Variants in SYNE1 observed in about 807,000 individuals in gnomAD.
The protein encoded by SYNE1 is spectrin repeat containing nuclear envelope protein 1.
In SYNE1, 616 loss-of-function variants were observed where a neutral mutation model predicts 1,111.0. That is an observed-to-expected ratio of 0.55 (90% CI 0.52 to 0.59). SYNE1 has a LOEUF of 0.59. Among genes scored for constraint, SYNE1 ranks in the 20% least tolerant of loss-of-function variants. The pLI is 0.00. For synonymous variants in SYNE1, 3,855 were observed against 3,825.8 expected, an observed-to-expected ratio of 1.01 and a Z score of -0.28; for missense variants, 10,006 against 10,417.0, an observed-to-expected ratio of 0.96 and a Z score of 1.72.
chr6:152,582,745 C>CT (rs887766489), intron 3 of SYNE1, among the ~76,000 whole-genome samples: 1 of 151,972 alleles, frequency 6.6e-6, no homozygotes, highest in African/African-American at 2.4e-5. Flanking sequence ...CCATCCTTCC[C>CT]TTTTTTGGAG....
Position 152,630,613 on chromosome 6 carries a change from C to G in SYNE1, c.-223-2059G>C, listed in dbSNP as rs184869608. 7.2e-5 allele frequency among the ~76,000 whole-genome samples: 11 copies of G among 152,210 alleles called. No homozygotes were observed. The East Asian group carries it at 2.1e-3, about 29-fold the overall frequency. On this transcript the variant is annotated intron_variant, in intron 2 of 145. Coordinates refer to ENST00000367255, the MANE Select transcript of SYNE1 (RefSeq NM_182961.4). ...TATTAGGAAGTTAGGTTTTCAAATGCAAAAATATAACTTTCTGAAATCAAT... is the reference window on the plus strand; with the variant it reads ...TATTAGGAAGTTAGGTTTTCAAATGGAAAAATATAACTTTCTGAAATCAAT...
chr6:152,308,666 GT>G (rs770706849), intron 90 of SYNE1, 34 bp from the exon 91 acceptor site: 19 of 1,583,810 alleles, frequency 1.2e-5, no homozygotes, highest in African/African-American at 8.2e-5. Context: ...AAGATAGACA[GT>G]TTTTTTTCTC....
intron 5 of SYNE1, among the ~76,000 whole-genome samples, chr6:152,522,505 G>T (rs755579094): frequency 2.0e-5 from 3 of 152,090 alleles, no homozygotes; most frequent in Non-Finnish European, 4.4e-5. Context: ...ATTGTGAATT[G>T]TGCTGCTATA....
At position 152,243,943 on chromosome 6, in the gene SYNE1, AG is replaced by A. The variant is rs2086424931; in HGVS notation, c.19692+593del. On this transcript the variant is annotated intron_variant, in intron 106 of 145. Transcript: ENST00000367255. ...CTTGCCTAAATGTCAGATCTAGCAA[AG>A]GAAATTAACCCAAAGCATTATTCTC... 2.0e-5 allele frequency among the ~76,000 whole-genome samples: 3 copies of A among 152,316 alleles called. No homozygotes were observed. The South Asian group carries it at 6.2e-4, about 32-fold the overall frequency.
Position 152,231,687 on chromosome 6 carries a change from G to A in SYNE1, c.20863-120C>T, listed in dbSNP as rs566763013. ...ATCACTTCCATAACTCAGCTGAAATGGCACAATTTGTCTGTGTTCACACAA... is the reference window on the plus strand; with the variant it reads ...ATCACTTCCATAACTCAGCTGAAATAGCACAATTTGTCTGTGTTCACACAA... On this transcript the variant is annotated intron_variant, in intron 113 of 145. Coordinates refer to ENST00000367255, the MANE Select transcript of SYNE1 (RefSeq NM_182961.4). The A allele has an allele frequency of 2.6e-5, 27 of 1,055,244 alleles. No individual in the cohort carries two copies. In the East Asian group the frequency reaches 7.0e-4, roughly 27 times the overall value. The allele number at this position is 1,055,244 out of a possible 1,614,324, so 65.4% of individuals were successfully genotyped here.
chr6:152,601,524 A>G (rs1446547115), intron 3 of SYNE1, among the ~76,000 whole-genome samples: 1 of 152,186 alleles, frequency 6.6e-6, no homozygotes, highest in African/African-American at 2.4e-5. Flanking sequence ...TCGCAGCAGG[A>G]TTAGAATGTG....
chr6:152,123,389 C>CCATTTTCTG (rs903069754), intron 145 of SYNE1, among the ~76,000 whole-genome samples: 2 of 152,150 alleles, frequency 1.3e-5, no homozygotes, highest in Non-Finnish European at 2.9e-5. Context: ...AAAATGGACA[C>CCATTTTCTG]CATTTTCTGA....
chr6:152,224,398 A>C, intron 117 of SYNE1, 96 bp downstream of exon 117: 1 of 1,074,466 alleles, frequency 9.3e-7, no homozygotes, highest in Non-Finnish European at 1.4e-6. Flanking sequence ...CGTAAACAAC[A>C]TATGGCAATA....
rs1356217975 is a variant in SYNE1 at position 152,353,435 on chromosome 6, T to C, written c.11083-2A>G. 2 of 1,614,184 alleles carry C rather than the reference T, an allele frequency of 1.2e-6. No individual in the cohort carries two copies. Among genetic ancestry groups the C allele is most frequent in the East Asian group, 4.5e-5 (2 of 44,886 alleles). ...CTCCTCCAGGAATTTTATTTGTTCC[T>C]ATGAAAGAAAAGAGAAAATTGAATG... is the stretch of plus-strand genomic sequence containing the variant. On this transcript the variant is annotated splice_acceptor_variant, in intron 68 of 145. Coordinates refer to ENST00000367255, the MANE Select transcript of SYNE1 (RefSeq NM_182961.4). LOFTEE classifies it high-confidence loss of function.
At chr6:152,352,700 G>A (rs2096763752) in intron 69 of SYNE1, among the ~76,000 whole-genome samples, 1 of 152,102 alleles carries the variant, frequency 6.6e-6, no homozygotes, top group Admixed American at 6.5e-5. Flanking sequence ...CACTGTGCCT[G>A]GCCATTTCTT....
At chr6:152,452,315 G>T (rs912950984) in intron 25 of SYNE1, among the ~76,000 whole-genome samples, 1 of 152,030 alleles carries the variant, frequency 6.6e-6, no homozygotes, top group African/African-American at 2.4e-5. Context: ...GTGTGTGTGT[G>T]TGTGTAATAA....
intron 3 of SYNE1, among the ~76,000 whole-genome samples, chr6:152,543,382 GTTTAA>G (rs748129413): frequency 3.0e-4 from 45 of 152,030 alleles, no homozygotes; most frequent in Non-Finnish European, 5.6e-4. Context: ...GAAAAAAATT[GTTTAA>G]TTTAATTATT....
Position 152,300,769 on chromosome 6 carries a change from G to A in SYNE1, c.17554C>T (p.Arg5852Cys), listed in dbSNP as rs760719818. Reference protein sequence around the residue: ...HPSVVMMTAGRCHTLLSPVTE... With the variant: ...HPSVVMMTAGCCHTLLSPVTE... ...ACCGGTGACAGCAAAGTGTGACAGC[G>A]ACCTGCAGTCATCTGCCACGTAAAA... Residue 5852 changes from arginine to cysteine, a missense_variant, in exon 93 of 146, where the codon CGC becomes TGC. Arg to Cys is a radical substitution (Grantham distance 180). Transcript: ENST00000367255. The A allele has an allele frequency of 2.5e-5, 41 of 1,614,054 alleles. No homozygotes were observed. In the East Asian group the frequency reaches 6.0e-4, roughly 24 times the overall value.
At position 152,409,688 on chromosome 6, in the gene SYNE1, A is replaced by C; in HGVS notation, c.6252T>G (p.Leu2084=). 6.2e-7 allele frequency: 1 copy of C among 1,613,770 alleles called. No homozygotes were observed. The highest frequency in any genetic ancestry group is 1.7e-5 in the Admixed American group (1 of 60,032). ...IHENQGQCCG[L]IDLMREYQNL... ...TCTGATATTCTCTCATTAAGTCAATAAGTCCACAGCACTGACCCTGACTGT... is the reference window on the plus strand; with the variant it reads ...TCTGATATTCTCTCATTAAGTCAATCAGTCCACAGCACTGACCCTGACTGT... Residue 2084 remains leucine, a synonymous_variant, in exon 43 of 146, where the codon CTT becomes CTG. Coordinates refer to ENST00000367255, the MANE Select transcript of SYNE1 (RefSeq NM_182961.4).
intron 74 of SYNE1, among the ~76,000 whole-genome samples, chr6:152,341,525 C>T (rs1590550164): frequency 6.6e-6 from 1 of 152,158 alleles, no homozygotes; most frequent in Non-Finnish European, 1.5e-5. Context: ...TGAACGGAAT[C>T]GAATCCATGT....
chr6:152,449,778 T>C, intron 27 of SYNE1, 137 bp from the exon 28 acceptor site: 1 of 751,902 alleles, frequency 1.3e-6, no homozygotes, highest in Non-Finnish European at 2.2e-6. Context: ...TTCTGGAAAC[T>C]ATTCTTTTAA....
chr6:152,257,104 T>C (rs867128760), intron 101 of SYNE1, among the ~76,000 whole-genome samples: 32 of 152,176 alleles, frequency 2.1e-4, no homozygotes, highest in Admixed American at 3.3e-4. Flanking sequence ...ATTCTGAATG[T>C]CTCTACCGCA....
chr6:152,347,133 G>C lies in SYNE1; in HGVS notation c.12004C>G (p.Leu4002Val). 6.2e-7 allele frequency: 1 copy of C among 1,614,186 alleles called. No homozygotes were observed. ...AGATGAGCATGCACGTTTTGTTTAAGTTTCGCTTGCAGGTGGTCTGCACAT... is the reference window on the plus strand; with the variant it reads ...AGATGAGCATGCACGTTTTGTTTAACTTTCGCTTGCAGGTGGTCTGCACAT... Reference protein sequence around the residue: ...GQCADHLQAKLKQNVHAHLQG... With the variant: ...GQCADHLQAKVKQNVHAHLQG... The change falls in exon 73 of 146, where the codon CTT (leucine) becomes GTT (valine). Residue 4002 changes from leucine to valine, a missense_variant. Leu to Val is a conservative substitution (Grantham distance 32, BLOSUM62 1). Around this residue, in one of 7 missense-constraint regions of SYNE1, gnomAD observed 4,955 missense variants for 5,017.2 expected, o/e 0.99. Coordinates refer to ENST00000367255, the MANE Select transcript of SYNE1 (RefSeq NM_182961.4).
At position 152,385,789 on chromosome 6, in the gene SYNE1, A is replaced by G. The variant is rs148242740; in HGVS notation, c.8537T>C (p.Leu2846Ser). The G allele has an allele frequency of 6.3e-5, 102 of 1,614,118 alleles. No individual in the cohort carries two copies. The African/African-American group carries it at 1.2e-3, about 19-fold the overall frequency. Residue 2846 changes from leucine to serine, a missense_variant, in exon 55 of 146, where the codon TTA becomes TCA. By Grantham distance (145) the Leu-to-Ser change is moderately radical. This residue lies in a region of SYNE1 where 4,955 missense variants were observed against 5,017.2 expected (regional missense o/e 0.99). Transcript: ENST00000367255. ...EEIVKDHLMY[L>S]DAVHEFTDWL... The stretch of plus-strand genomic sequence containing the variant: ...ATCTGTGAACTCGTGGACCGCATCT[A>G]AATACATTAGATGATCTTTCACAAT...
Sources: gnomAD v4.1 joint callset for allele counts (sites outside exome capture counted in the v4.1 genomes callset) on GRCh38, gnomAD v4.1.1 for gene constraint, gnomAD v4.1.1 regional missense constraint, MANE v1.5 for transcripts, NCBI Gene and HGNC (gene_info 2026-07-23, HGNC 2026-07-21) for gene names.